Variants in MTOR observed in about 807,000 individuals in gnomAD.
MTOR encodes serine/threonine-protein kinase mTOR.
Under a neutral mutation model 319.8 loss-of-function variants are expected in MTOR, and 70 were observed. The observed-to-expected ratio is 0.22, with a 90% CI of 0.18 to 0.27. The LOEUF (loss-of-function observed/expected upper bound fraction) is 0.27. Ranked by LOEUF, MTOR falls within the 10% of genes least tolerant of loss-of-function variation. MTOR has a pLI of 1.00. For missense variants in MTOR, 1,890 were observed against 3,274.4 expected (o/e 0.58, Z 10.32); for synonymous variants, 1,183 against 1,211.4 (o/e 0.98, Z 0.49).
At position 11,231,329 on chromosome 1, in the gene MTOR, T is replaced by C; in HGVS notation, c.2620A>G (p.Thr874Ala). ...LLEVLLNFLK[T>A]EQNQGTRREA... ...CTGCGTGTACCCTGGTTCTGCTCAG[T>C]CTTCAGAAAATTCAGTAGCACCTCA... Residue 874 changes from threonine to alanine, a missense_variant, in exon 17 of 58, where the codon ACT (threonine) becomes GCT (alanine). This residue lies in a region of MTOR where 377 missense variants were observed against 653.9 expected (regional missense o/e 0.58). Coordinates refer to ENST00000361445, the MANE Select transcript of MTOR (RefSeq NM_004958.4). 1.9e-6 allele frequency: 3 copies of C among 1,614,108 alleles called. No homozygotes were observed. Among genetic ancestry groups the C allele is most frequent in the Non-Finnish European group, 2.5e-6 (3 of 1,180,000 alleles).
In MTOR at chr1:11,107,013, GT is replaced by G; in HGVS notation, c.*471del. On this transcript the variant is annotated 3_prime_UTR_variant, in exon 58 of 58. Coordinates refer to ENST00000361445, the MANE Select transcript of MTOR (RefSeq NM_004958.4). Reference sequence around the variant, plus strand: ...TGAGGTCTTGGGATAGGTGGCAGGGGTGAGGTCAGCATCTTCTGTGTCTTTA... The same window carrying G: ...TGAGGTCTTGGGATAGGTGGCAGGGGGAGGTCAGCATCTTCTGTGTCTTTA... 7.3e-7 allele frequency: 1 copy of G among 1,370,982 alleles called. No homozygotes were observed. The highest frequency in any genetic ancestry group is 9.6e-7 in the Non-Finnish European group (1 of 1,039,014). The allele number at this position is 1,370,982 out of a possible 1,614,324, so 84.9% of individuals were successfully genotyped here.
intron 28 of MTOR, among the ~76,000 whole-genome samples, chr1:11,179,586 G>A (rs1386264633): frequency 6.6e-6 from 1 of 152,188 alleles, no homozygotes; most frequent in East Asian, 1.9e-4. Flanking sequence ...CTCGCTGATG[G>A]CGAGGTTTCT....
intron 28 of MTOR, chr1:11,195,136 TA>T: frequency 8.8e-7 from 1 of 1,142,358 alleles, no homozygotes; most frequent in Non-Finnish European, 1.2e-6. Flanking sequence ...AAACAGCCTA[TA>T]ATCTCCAAAG....
At chr1:11,185,884 A>C in intron 28 of MTOR, among the ~76,000 whole-genome samples, 1 of 152,026 alleles carries the variant, frequency 6.6e-6, no homozygotes, top group Non-Finnish European at 1.5e-5. Flanking sequence ...GATCGAGACC[A>C]TCCTGGCTAA....
intron 19 of MTOR, among the ~76,000 whole-genome samples, chr1:11,222,565 C>G (rs1646704341): frequency 1.3e-5 from 2 of 151,992 alleles, no homozygotes; most frequent in South Asian, 4.1e-4. Flanking sequence ...TACACTCCTC[C>G]TGGGCTCAAG....
At chr1:11,238,989 T>C (rs1647612748) in intron 11 of MTOR, among the ~76,000 whole-genome samples, 1 of 151,308 alleles carries the variant, frequency 6.6e-6, no homozygotes, top group African/African-American at 2.4e-5. Context: ...TTAGCTAGGA[T>C]GGTCTCGATC....
chr1:11,170,160 CATG>C (rs1451238166), intron 28 of MTOR, among the ~76,000 whole-genome samples: 1 of 152,176 alleles, frequency 6.6e-6, no homozygotes, highest in Non-Finnish European at 1.5e-5. Flanking sequence ...GAAACCACGG[CATG>C]ATGGTTTCCC....
chr1:11,173,743 T>C lies in MTOR; in HGVS notation c.4254-6226A>G, dbSNP rs1644898047. Among the ~76,000 whole-genome samples, 3 of 152,204 alleles carry C rather than the reference T, an allele frequency of 2.0e-5. No homozygotes were observed. In the South Asian group the frequency reaches 6.2e-4, roughly 32 times the overall value. On this transcript the variant is annotated intron_variant, in intron 28 of 57. Coordinates refer to ENST00000361445, the MANE Select transcript of MTOR (RefSeq NM_004958.4). ...CTTATTTCCTTCTGAGGAGTTCCCA[T>C]GCACGCCTCTAAAGCTGCTGGAGAA...
intron 19 of MTOR, among the ~76,000 whole-genome samples, chr1:11,218,933 C>T (rs932731377): frequency 2.0e-5 from 3 of 152,108 alleles, no homozygotes; most frequent in Non-Finnish European, 4.4e-5. Context: ...AGTGGCCAGG[C>T]GCAGTGGCTC....
intron 11 of MTOR, among the ~76,000 whole-genome samples, chr1:11,239,282 CCT>C (rs1400101665): frequency 6.6e-6 from 1 of 152,158 alleles, no homozygotes; most frequent in African/African-American, 2.4e-5. Context: ...ATTTACCTTG[CCT>C]CTTTTAGTTC....
chr1:11,252,586 T>A (rs1649837110), intron 6 of MTOR, among the ~76,000 whole-genome samples: 1 of 152,200 alleles, frequency 6.6e-6, no homozygotes, highest in Non-Finnish European at 1.5e-5. Context: ...ACAGGTAACT[T>A]GCCTGAGTCG....
intron 28 of MTOR, chr1:11,189,857 C>A: frequency 6.2e-7 from 1 of 1,614,148 alleles, no homozygotes; most frequent in Non-Finnish European, 8.5e-7. Context: ...CGCATGGAGT[C>A]GCGGCTCACA....
At chr1:11,182,475 T>C (rs1045959158) in intron 28 of MTOR, among the ~76,000 whole-genome samples, 3 of 152,216 alleles carry the variant, frequency 2.0e-5, no homozygotes, top group African/African-American at 7.2e-5. Context: ...ATGTGCATTA[T>C]CTATTTTTAC....
rs1198263337 is a variant in MTOR, at chr1:11,228,770, G to A, written c.2928C>T (p.Thr976=). Residue 976 remains threonine (T), a synonymous_variant, in exon 19 of 58, where the codon ACC becomes ACT. Coordinates refer to ENST00000361445, the MANE Select transcript of MTOR (RefSeq NM_004958.4). ...TGAGTCCCAGGGACTTGAAGATGAA[G>A]GTGATGGCCTGGACAACCATGGTGT... ...HHHTMVVQAI[T]FIFKSLGLKC... 2 of 1,614,036 alleles carry A rather than the reference G, an allele frequency of 1.2e-6. No homozygotes were observed. Among genetic ancestry groups the A allele is most frequent in the Non-Finnish European group, 1.7e-6 (2 of 1,180,032 alleles).
intron 28 of MTOR, among the ~76,000 whole-genome samples, chr1:11,191,795 C>T (rs1645543105): frequency 1.3e-5 from 2 of 152,270 alleles, no homozygotes; most frequent in South Asian, 4.1e-4. Flanking sequence ...TCTCAGGTGG[C>T]AGTAGCCACC....
At chr1:11,206,774 G>C (rs1441126975) in intron 25 of MTOR, among the ~76,000 whole-genome samples, 1 of 152,164 alleles carries the variant, frequency 6.6e-6, no homozygotes, top group Non-Finnish European at 1.5e-5. Context: ...ACCCACTGCT[G>C]ATCGCCTCAT....
At chr1:11,118,618 CTTT>C (rs1359304379) in intron 49 of MTOR, among the ~76,000 whole-genome samples, 18 of 127,236 alleles carry the variant, frequency 1.4e-4, no homozygotes, top group Non-Finnish European at 1.7e-4. Flanking sequence ...TTTTCTTCTT[CTTT>C]TTTTTTTTTT....
At chr1:11,156,466 G>A (rs577024312) in intron 30 of MTOR, among the ~76,000 whole-genome samples, 1 of 152,152 alleles carries the variant, frequency 6.6e-6, no homozygotes, top group African/African-American at 2.4e-5. Context: ...TCTCAGTTAC[G>A]CATTACTGTT....
chr1:11,112,955 A>T (rs371165250), intron 53 of MTOR, 38 bp from the exon 54 acceptor site: 44 of 1,591,802 alleles, frequency 2.8e-5, no homozygotes, highest in Middle Eastern at 1.7e-4. Context: ...ACATGCTTCA[A>T]ATTTTGACTT....
Sources: allele counts gnomAD v4.1 joint callset (sites outside exome capture counted in the v4.1 genomes callset), GRCh38; gene constraint gnomAD v4.1.1; regional missense constraint gnomAD v4.1.1; transcripts MANE v1.5; gene names NCBI Gene and HGNC (gene_info 2026-07-23, HGNC 2026-07-21).